NFAT5: variants seen among roughly 807,000 people sequenced by gnomAD.
NFAT5 encodes the protein nuclear factor of activated T-cells 5.
A neutral mutation model predicts 166.5 loss-of-function variants in NFAT5; 31 were observed. The observed-to-expected ratio is 0.19, with a 90% confidence interval of 0.14 to 0.25. The LOEUF is 0.25. Among genes scored for constraint, NFAT5 ranks in the 10% least tolerant of loss-of-function variants. The pLI, the probability that NFAT5 is intolerant of heterozygous loss-of-function variation, is 1.00. For missense variants in NFAT5, 1,449 were observed against 1,821.8 expected, an observed-to-expected ratio of 0.80 and a Z score of 3.72; for synonymous variants, 612 against 639.7, an observed-to-expected ratio of 0.96 and a Z score of 0.65.
chr16:69,653,730 G>A, intron 5 of NFAT5, among the ~76,000 whole-genome samples: 1 of 152,004 alleles, frequency 6.6e-6, no homozygotes, highest in African/African-American at 2.4e-5. Context: ...GTGCCACCAG[G>A]CCCAGCTAAT....
intron 14 of NFAT5, 125 bp downstream of exon 14, chr16:69,695,504 T>C: frequency 1.5e-6 from 1 of 684,030 alleles, no homozygotes; most frequent in Non-Finnish European, 2.5e-6. Context: ...GATACTTTTT[T>C]ACTCTGAATA....
Position 69,566,485 on chromosome 16 carries a change from A to G in NFAT5, c.73+111A>G, listed in dbSNP as rs2142880510. The G allele has an allele frequency of 3.3e-6, 3 of 908,802 alleles. No homozygotes were observed. The highest frequency in any genetic ancestry group is 2.8e-5 in the South Asian group (2 of 70,564). 56.3% of individuals were successfully genotyped at this position (908,802 alleles called of 1,614,324 possible). A position where few individuals can be genotyped will look rare whatever the true frequency, so the allele number is the denominator to read the frequency against. ...TCCCGCCGGGGGCGGCTGAGCCGCG[A>G]CCCCCATGGCTTCTTTGGCCGGAGC... On this transcript the variant is annotated intron_variant, in intron 1 of 14. Coordinates refer to ENST00000349945, the MANE Select transcript of NFAT5 (RefSeq NM_138713.4). This position sits in a 1 kb window ranked among gnomAD's most constrained non-coding sequence, Gnocchi z 5.7.
Position 69,655,590 on chromosome 16 carries a change from GCA to G in NFAT5, c.1006-18_1006-17del, listed in dbSNP as rs746220485. On this transcript the variant is annotated splice_polypyrimidine_tract_variant and intron_variant, in intron 5 of 14. Coordinates refer to ENST00000349945, the MANE Select transcript of NFAT5 (RefSeq NM_138713.4). Reference sequence around the variant, plus strand: ...TGAAATACTAATTAGTGTTTCTGTTGCATGTTTTCTGGTTTCAGCTGGAAGGC... The same window carrying G: ...TGAAATACTAATTAGTGTTTCTGTTGTGTTTTCTGGTTTCAGCTGGAAGGC... 6.5e-7 allele frequency: 1 copy of G among 1,532,512 alleles called. No homozygotes were observed. Among genetic ancestry groups the G allele is most frequent in the Non-Finnish European group, 8.8e-7 (1 of 1,135,620 alleles). The allele number at this position is 1,532,512 out of a possible 1,614,324, so 94.9% of individuals were successfully genotyped here.
rs1373338629 is a variant in NFAT5 at position 69,566,393 on chromosome 16, G to T, written c.73+19G>T. On this transcript the variant is annotated intron_variant, in intron 1 of 14. Transcript: ENST00000349945. The surrounding 1 kb of genome is among the most constrained non-coding windows in gnomAD (Gnocchi z 5.7). ...TCGCGAGGTGAGTCAGGCTGTGGGG[G>T]GTGGGGCGTGGGGGCGGGGAGACAG... The T allele has an allele frequency of 6.5e-7, 1 of 1,548,976 alleles. No individual in the cohort carries two copies. Among genetic ancestry groups the T allele is most frequent in the Admixed American group, 1.8e-5 (1 of 54,332 alleles).
intron 2 of NFAT5, among the ~76,000 whole-genome samples, chr16:69,602,392 T>C (rs2033176254): frequency 6.6e-6 from 1 of 150,976 alleles, no homozygotes; most frequent in South Asian, 2.1e-4. Context: ...TCAGCCTCCC[T>C]AGTAGCTGCG....
intron 7 of NFAT5, among the ~76,000 whole-genome samples, chr16:69,667,229 G>A (rs2151664650): frequency 6.6e-6 from 1 of 150,642 alleles, no homozygotes; most frequent in South Asian, 2.1e-4. Flanking sequence ...GCTAGATGAC[G>A]AGTTAGTGGG....
intron 11 of NFAT5, 80 bp downstream of exon 11, chr16:69,685,050 C>A: frequency 3.6e-6 from 3 of 842,896 alleles, no homozygotes; most frequent in Admixed American, 2.3e-5. Context: ...ATTTTGTTTT[C>A]TCTTAGGTAC....
At position 69,695,376 on chromosome 16, in the gene NFAT5, A is replaced by G; in HGVS notation, c.*5A>G. 3 of 1,598,716 alleles carry G rather than the reference A, an allele frequency of 1.9e-6. No homozygotes were observed. The highest frequency in any genetic ancestry group is 2.7e-5 in the African/African-American group (2 of 74,658). Reference sequence around the variant, plus strand: ...AACTTGACTGGCTCCTTTTAACTGGATATGTAAGTATTGCATTTTGGCTTC... The same window carrying G: ...AACTTGACTGGCTCCTTTTAACTGGGTATGTAAGTATTGCATTTTGGCTTC... On this transcript the variant is annotated 3_prime_UTR_variant, in exon 14 of 15. Coordinates refer to ENST00000349945, the MANE Select transcript of NFAT5 (RefSeq NM_138713.4).
At position 69,659,767 on chromosome 16, in the gene NFAT5, G is replaced by A. The variant is rs763842606; in HGVS notation, c.1237G>A (p.Val413Ile). 1 of 1,613,964 alleles carries A rather than the reference G, an allele frequency of 6.2e-7. No homozygotes were observed. The highest frequency in any genetic ancestry group is 8.5e-7 in the Non-Finnish European group (1 of 1,179,940). ...VGILKLRNAD[V>I]EARIGIAGSK... Reference sequence around the variant, plus strand: ...GATATTGAAATTGAGGAATGCTGATGTCGAAGCCAGAATAGGAATTGCTGG... The same window carrying A: ...GATATTGAAATTGAGGAATGCTGATATCGAAGCCAGAATAGGAATTGCTGG... The change falls in exon 7 of 15, where the codon GTC becomes ATC. Residue 413 changes from valine (V) to isoleucine (I), a missense_variant. Coordinates refer to ENST00000349945, the MANE Select transcript of NFAT5 (RefSeq NM_138713.4).
In NFAT5 at chr16:69,692,366, T is replaced by C. The variant is rs145897440; in HGVS notation, c.2541T>C (p.Asp847=). 3.7e-5 allele frequency: 60 copies of C among 1,614,236 alleles called. No individual in the cohort carries two copies. In the African/African-American group the frequency reaches 7.6e-4, roughly 20 times the overall value. ...NENVQEQLSA[D]IFQQVSQIQS... is the part of the protein sequence containing the mutation. The stretch of plus-strand genomic sequence containing the variant: ...ATGTTCAAGAGCAGCTTAGTGCAGA[T>C]ATTTTTCAACAAGTCAGTCAAATTC... Residue 847 remains aspartate, a synonymous_variant, in exon 13 of 15, where the codon GAT becomes GAC. Coordinates refer to ENST00000349945, the MANE Select transcript of NFAT5 (RefSeq NM_138713.4).
rs1033182595 is a variant in NFAT5 at position 69,644,967 on chromosome 16, T to C, written c.254-2061T>C. 4 of 307,486 alleles carry C rather than the reference T, an allele frequency of 1.3e-5. No individual in the cohort carries two copies. In the Admixed American group the frequency reaches 1.7e-4, roughly 13 times the overall value. 19.0% of individuals were successfully genotyped at this position (307,486 alleles called of 1,614,324 possible). A position where few individuals can be genotyped will look rare whatever the true frequency, so the allele number is the denominator to read the frequency against. ...TACTTGTATGCTGCATACTTGTATT[T>C]CTCTGAAAATGAAGAACATAGGCTC... On this transcript the variant is annotated intron_variant, in intron 3 of 14. Coordinates refer to ENST00000349945, the MANE Select transcript of NFAT5 (RefSeq NM_138713.4).
intron 10 of NFAT5, among the ~76,000 whole-genome samples, chr16:69,684,006 C>A (rs950197489): frequency 1.3e-5 from 2 of 150,454 alleles, no homozygotes; most frequent in Non-Finnish European, 3.0e-5. Flanking sequence ...GGCTGAGGCA[C>A]GAGAATCCCT....
chr16:69,670,153 A>T (rs2036566554), intron 8 of NFAT5, 42 bp downstream of exon 8: 1 of 1,598,046 alleles, frequency 6.3e-7, no homozygotes. Context: ...GTATGTTTTC[A>T]CTTTGTTATA....
At position 69,699,852 on chromosome 16, in the gene NFAT5, A is replaced by ATGTGTG. The variant is rs754060819; in HGVS notation, c.*3519_*3524dup. 1.3e-4 allele frequency: 18 copies of ATGTGTG among 141,468 alleles called. No homozygotes were observed. The highest frequency in any genetic ancestry group is 2.3e-4 in the South Asian group (1 of 4,416). 8.8% of individuals were successfully genotyped at this position (141,468 alleles called of 1,614,324 possible). The stretch of plus-strand genomic sequence containing the variant: ...TCTCTCTCTCTGTGTGTGTGTGTGT[A>ATGTGTG]TGTGTGTGTGTGTGTGTGTGTGTTT... On this transcript the variant is annotated 3_prime_UTR_variant, in exon 15 of 15. Transcript: ENST00000349945.
chr16:69,647,012 G>T lies in NFAT5; in HGVS notation c.254-16G>T. 1 of 1,537,524 alleles carries T rather than the reference G, an allele frequency of 6.5e-7. No individual in the cohort carries two copies. The highest frequency in any genetic ancestry group is 1.3e-5 in the South Asian group (1 of 79,302). ...AAACATGTATAGTGTATTTACTCTT[G>T]AATTGTACACTGCAGATGCTTCTTC... is the stretch of plus-strand genomic sequence containing the variant. On this transcript the variant is annotated splice_polypyrimidine_tract_variant and intron_variant, in intron 3 of 14. Transcript: ENST00000349945. This position sits in a 1 kb window ranked among gnomAD's most constrained non-coding sequence, Gnocchi z 4.8.
chr16:69,679,665 G>T (rs1004271728), intron 10 of NFAT5, among the ~76,000 whole-genome samples: 1 of 152,146 alleles, frequency 6.6e-6, no homozygotes, highest in Non-Finnish European at 1.5e-5. Flanking sequence ...TAAAGATCAT[G>T]TGTGAAAACA....
chr16:69,598,483 T>C (rs970830805), intron 2 of NFAT5, among the ~76,000 whole-genome samples: 6 of 151,272 alleles, frequency 4.0e-5, no homozygotes, highest in African/African-American at 1.5e-4. Context: ...CCATTGTTAA[T>C]AGGGAAGACG....
intron 10 of NFAT5, among the ~76,000 whole-genome samples, chr16:69,677,577 C>G (rs1014247954): frequency 2.0e-5 from 3 of 152,210 alleles, no homozygotes; most frequent in African/African-American, 7.2e-5. Flanking sequence ...GCTCTGAAGT[C>G]AGATTCTCTG....
At position 69,698,145 on chromosome 16, in the gene NFAT5, T is replaced by C. The variant is rs1444411739; in HGVS notation, c.*1794T>C. 2 of 152,378 alleles carry C rather than the reference T, an allele frequency of 1.3e-5. No individual in the cohort carries two copies. The highest frequency in any genetic ancestry group is 2.4e-5 in the African/African-American group (1 of 41,436). 9.4% of individuals were successfully genotyped at this position (152,378 alleles called of 1,614,324 possible). A position where few individuals can be genotyped will look rare whatever the true frequency, so the allele number is the denominator to read the frequency against. ...CCCCTTTCTTTCTTTCTCTCTCTGA[T>C]TGAGAGGCATTGAATTACGTTTTCA... is the stretch of plus-strand genomic sequence containing the variant. On this transcript the variant is annotated 3_prime_UTR_variant, in exon 15 of 15. Transcript: ENST00000349945.
Sources: allele counts gnomAD v4.1 joint callset (sites outside exome capture counted in the v4.1 genomes callset), GRCh38; gene constraint gnomAD v4.1.1; non-coding constraint Gnocchi (gnomAD v3.1); transcripts MANE v1.5; gene names NCBI Gene and HGNC (gene_info 2026-07-23, HGNC 2026-07-21).